TENM2: variants seen among roughly 807,000 people sequenced by gnomAD.
The protein encoded by TENM2 is teneurin-2.
In TENM2, 52 loss-of-function variants were observed where a neutral mutation model predicts 245.2. The observed-to-expected ratio is 0.21, with a 90% confidence interval of 0.17 to 0.27. The LOEUF (loss-of-function observed/expected upper bound fraction) is 0.27, where lower values mean the gene tolerates loss of function less well. Among genes scored for constraint, TENM2 ranks in the 10% least tolerant of loss-of-function variants. The pLI, the probability that TENM2 is intolerant of heterozygous loss-of-function variation, is 1.00. For synonymous variants in TENM2, 1,363 were observed against 1,438.9 expected, an observed-to-expected ratio of 0.95 and a Z score of 1.19; for missense variants, 3,046 against 3,666.8, an observed-to-expected ratio of 0.83 and a Z score of 4.37.
chr5:167,010,433 C>T, the TENM2 span, among the ~76,000 whole-genome samples: 1 of 152,072 alleles, frequency 6.6e-6, no homozygotes, highest in South Asian at 2.1e-4. Context: ...GAAGTCAAAC[C>T]CTCTGCCCAG....
At chr5:167,116,909 T>G in the TENM2 span, among the ~76,000 whole-genome samples, 1 of 152,224 alleles carries the variant, frequency 6.6e-6, no homozygotes, top group Non-Finnish European at 1.5e-5. Context: ...ATTTGAAGTT[T>G]GCCACCAGAA....
At chr5:167,620,970 A>G (rs1015090024) in intron 2 of TENM2, among the ~76,000 whole-genome samples, 1 of 152,082 alleles carries the variant, frequency 6.6e-6, no homozygotes, top group Admixed American at 6.6e-5. Flanking sequence ...GCTGCTTTAG[A>G]TTTTCAAGTC....
intron 3 of TENM2, among the ~76,000 whole-genome samples, chr5:167,941,367 T>C (rs1393903261): frequency 1.3e-5 from 2 of 152,210 alleles, no homozygotes; most frequent in Non-Finnish European, 2.9e-5. Flanking sequence ...CTTCACATTG[T>C]CCACCATTGG....
Position 167,439,088 on chromosome 5 carries a change from C to A in TENM2, c.502+63615C>A, listed in dbSNP as rs193050406. 4.1e-3 allele frequency among the ~76,000 whole-genome samples: 623 copies of A among 152,316 alleles called. 7 individuals are homozygous for A. Among genetic ancestry groups the A allele is most frequent in the Middle Eastern group, 0.017 (5 of 294 alleles). On this transcript the variant is annotated intron_variant, in intron 2 of 28. Transcript: ENST00000518659. ...GGATTACAGGCATGAGCCGCCGCAC[C>A]GGGCCGCCAAGTTTTTACACATATG...
At chr5:167,716,645 C>T (rs534554282) in intron 2 of TENM2, among the ~76,000 whole-genome samples, 2 of 152,138 alleles carry the variant, frequency 1.3e-5, no homozygotes, top group African/African-American at 2.4e-5. Context: ...TTACAGCTTC[C>T]AGTAAAATAG....
chr5:168,045,022 T>C (rs1251430295), intron 5 of TENM2, among the ~76,000 whole-genome samples: 3 of 152,080 alleles, frequency 2.0e-5, no homozygotes, highest in Non-Finnish European at 4.4e-5. Context: ...TTCTCACTTA[T>C]TTACTTAATG....
At chr5:167,606,808 G>A (rs1777086524) in intron 2 of TENM2, among the ~76,000 whole-genome samples, 1 of 152,134 alleles carries the variant, frequency 6.6e-6, no homozygotes, top group African/African-American at 2.4e-5. Flanking sequence ...AAACTATGCT[G>A]AAGATTACAT....
intron 2 of TENM2, among the ~76,000 whole-genome samples, chr5:167,815,653 A>G (rs1206704328): frequency 6.6e-6 from 1 of 152,172 alleles, no homozygotes; most frequent in Admixed American, 6.5e-5. Context: ...AGCCTTCCTT[A>G]GAATAATGCC....
chr5:167,706,594 TC>T (rs1325010501), intron 2 of TENM2, among the ~76,000 whole-genome samples: 1 of 152,070 alleles, frequency 6.6e-6, no homozygotes, highest in Non-Finnish European at 1.5e-5. Flanking sequence ...GGTTTTCAAT[TC>T]CTTTGAATAT....
intron 13 of TENM2, among the ~76,000 whole-genome samples, chr5:168,164,491 C>T (rs1393608358): frequency 1.3e-5 from 2 of 152,152 alleles, no homozygotes; most frequent in Admixed American, 6.5e-5. Flanking sequence ...TGCTTGCACT[C>T]TCCATGTCAG....
chr5:167,084,366 T>TATATATATAGAGAGAGAG, the TENM2 span, among the ~76,000 whole-genome samples: 1 of 114,898 alleles, frequency 8.7e-6, no homozygotes, highest in African/African-American at 3.1e-5. Flanking sequence ...TATATATATA[T>TATATATATAGAGAGAGAG]ACAGATCAGA....
rs115629000 is a variant in TENM2 at position 167,899,252 on chromosome 5, G to A, written c.712+23057G>A. Among the ~76,000 whole-genome samples, 1,261 of 152,220 alleles carry A rather than the reference G, an allele frequency of 8.3e-3. 17 individuals carry two copies. The highest frequency in any genetic ancestry group is 0.028 in the African/African-American group (1,182 of 41,528). ...GCAAAAGGGGCAAGAGTTAGGAGAA[G>A]AGTCACGTTAATGTCGCATTATCAA... On this transcript the variant is annotated intron_variant, in intron 3 of 28. Coordinates refer to ENST00000518659, the Ensembl canonical transcript of TENM2.
intron 2 of TENM2, among the ~76,000 whole-genome samples, chr5:167,376,820 C>A (rs1760778931): frequency 6.6e-6 from 1 of 152,138 alleles, no homozygotes; most frequent in South Asian, 2.1e-4. Context: ...TCCATAAAAG[C>A]ATACGTTGAA....
At chr5:167,506,274 G>A (rs756861038) in intron 2 of TENM2, among the ~76,000 whole-genome samples, 14 of 151,958 alleles carry the variant, frequency 9.2e-5, no homozygotes, top group Non-Finnish European at 1.5e-4. Context: ...ATTATTATAC[G>A]GTCAGAACAA....
intron 12 of TENM2, among the ~76,000 whole-genome samples, chr5:168,157,688 G>A (rs1757304565): frequency 6.6e-6 from 1 of 152,146 alleles, no homozygotes; most frequent in Admixed American, 6.5e-5. Context: ...GTGGGCAATG[G>A]GGTAGATACC....
chr5:167,490,427 C>T (rs779786075), intron 2 of TENM2, among the ~76,000 whole-genome samples: 11 of 151,880 alleles, frequency 7.2e-5, no homozygotes, highest in South Asian at 2.1e-4. Context: ...TTTGATTTGC[C>T]GTTTTTCTTA....
intron 2 of TENM2, among the ~76,000 whole-genome samples, chr5:167,679,268 G>A (rs1183750666): frequency 1.3e-5 from 2 of 151,984 alleles, no homozygotes; most frequent in Non-Finnish European, 2.9e-5. Flanking sequence ...AACATTCTAA[G>A]CTGTATTGCT....
chr5:167,719,431 C>T (rs1002740778), intron 2 of TENM2, among the ~76,000 whole-genome samples: 15 of 152,142 alleles, frequency 9.9e-5, no homozygotes, highest in Admixed American at 9.8e-4. Flanking sequence ...GGTTTGAGTT[C>T]AGAGATCCTG....
At chr5:167,852,718 C>T (rs530908315) in intron 2 of TENM2, among the ~76,000 whole-genome samples, 20 of 152,076 alleles carry the variant, frequency 1.3e-4, no homozygotes, top group Non-Finnish European at 4.4e-5. Flanking sequence ...TCTGCATGAT[C>T]GGCTCTTTTA....
Sources: gnomAD v4.1 joint callset for allele counts (sites outside exome capture counted in the v4.1 genomes callset) on GRCh38, gnomAD v4.1.1 for gene constraint, MANE v1.5 for transcripts, NCBI Gene and HGNC (gene_info 2026-07-23, HGNC 2026-07-21) for gene names.